Variants in EEFSEC observed in about 807,000 individuals in gnomAD.
EEFSEC encodes the protein eukaryotic elongation factor, selenocysteine-tRNA specific.
EEFSEC carries 43 observed loss-of-function variants against 42.1 expected under a neutral mutation model. The observed-to-expected ratio is 1.02, with a 90% CI of 0.80 to 1.32. EEFSEC has a LOEUF of 1.32. Among genes scored for constraint, EEFSEC ranks in the 40% most tolerant of loss-of-function variants. The probability of loss-of-function intolerance (pLI) is 0.00; values close to 1 mark genes in which losing one functional copy is unlikely to be tolerated. For missense variants in EEFSEC, 745 were observed against 803.6 expected, an observed-to-expected ratio of 0.93 and a Z score of 0.88; for synonymous variants, 354 against 339.1, an observed-to-expected ratio of 1.04 and a Z score of -0.48.
intron 4 of EEFSEC, among the ~76,000 whole-genome samples, chr3:128,304,156 G>C (rs2066801616): frequency 6.7e-6 from 1 of 149,314 alleles, no homozygotes; most frequent in African/African-American, 2.5e-5. Context: ...CTGAGTGTCT[G>C]TAGCTACTGG....
At chr3:128,377,494 A>G (rs2067723567) in intron 6 of EEFSEC, among the ~76,000 whole-genome samples, 3 of 152,254 alleles carry the variant, frequency 2.0e-5, no homozygotes, top group African/African-American at 7.2e-5. Context: ...AATGTCCAGT[A>G]AAATGTAAAA....
At chr3:128,272,233 C>T (rs2066421247) in intron 4 of EEFSEC, among the ~76,000 whole-genome samples, 1 of 152,208 alleles carries the variant, frequency 6.6e-6, no homozygotes, top group African/African-American at 2.4e-5. Context: ...TGGTTGACTC[C>T]TGAACATCAC....
At chr3:128,375,716 G>A (rs1162638942) in intron 6 of EEFSEC, among the ~76,000 whole-genome samples, 1 of 152,134 alleles carries the variant, frequency 6.6e-6, no homozygotes, top group East Asian at 1.9e-4. Flanking sequence ...TGCCACATCG[G>A]CTTCTCCACT....
intron 1 of EEFSEC, among the ~76,000 whole-genome samples, chr3:128,188,996 C>T (rs2065493133): frequency 6.6e-6 from 1 of 152,224 alleles, no homozygotes; most frequent in Non-Finnish European, 1.5e-5. Context: ...CCCCCAGGCA[C>T]TGATGGAGCC....
intron 6 of EEFSEC, among the ~76,000 whole-genome samples, chr3:128,367,477 G>A (rs2067603746): frequency 6.6e-6 from 1 of 152,202 alleles, no homozygotes; most frequent in African/African-American, 2.4e-5. Flanking sequence ...CCACAGTGGT[G>A]CTGCTCAGGC....
At chr3:128,204,723 C>G (rs888130224) in intron 1 of EEFSEC, among the ~76,000 whole-genome samples, 1 of 152,110 alleles carries the variant, frequency 6.6e-6, no homozygotes, top group African/African-American at 2.4e-5. Context: ...CCTGGGATGC[C>G]GCCTTCCCCA....
chr3:128,375,642 G>C (rs1203292251), intron 6 of EEFSEC, among the ~76,000 whole-genome samples: 4 of 152,278 alleles, frequency 2.6e-5, no homozygotes, highest in South Asian at 2.1e-4. Context: ...CTCTAGGAAG[G>C]CTCCCTGTCC....
chr3:128,363,023 G>T (rs1305196214), intron 6 of EEFSEC, among the ~76,000 whole-genome samples: 1 of 152,192 alleles, frequency 6.6e-6, no homozygotes, highest in Admixed American at 6.5e-5. Context: ...TAAGACCCCA[G>T]AAGGAGCTTC....
At chr3:128,280,427 T>G (rs1474079452) in intron 4 of EEFSEC, among the ~76,000 whole-genome samples, 3 of 152,258 alleles carry the variant, frequency 2.0e-5, no homozygotes, top group Admixed American at 6.5e-5. Flanking sequence ...ACCTCCCTTG[T>G]GCCCTCACTC....
At chr3:128,331,312 C>A (rs1385843807) in intron 4 of EEFSEC, among the ~76,000 whole-genome samples, 1 of 43,648 alleles carries the variant, frequency 2.3e-5, no homozygotes, top group Non-Finnish European at 4.9e-5. Context: ...CTTCTTCCCC[C>A]CTTCCTCAAT....
chr3:128,400,690 C>T (rs2068038712), intron 6 of EEFSEC, among the ~76,000 whole-genome samples: 1 of 152,230 alleles, frequency 6.6e-6, no homozygotes, highest in South Asian at 2.1e-4. Flanking sequence ...GCGTGGAGAC[C>T]CCTCTTCCAG....
Position 128,279,817 on chromosome 3 carries a change from A to G in EEFSEC, c.786+15036A>G, listed in dbSNP as rs191806823. Reference sequence around the variant, plus strand: ...TGGCTTCCTGGGGGGACTAATTCCTATGCCAGCCTTCTCTGCCTATTCAAC... The same window carrying G: ...TGGCTTCCTGGGGGGACTAATTCCTGTGCCAGCCTTCTCTGCCTATTCAAC... On this transcript the variant is annotated intron_variant, in intron 4 of 6. Transcript: ENST00000254730. Among the ~76,000 whole-genome samples, 127 of 152,304 alleles carry G rather than the reference A, an allele frequency of 8.3e-4. 6 individuals carry two copies. Among genetic ancestry groups the G allele is most frequent in the Admixed American group, 7.8e-3 (120 of 15,298 alleles).
Position 128,153,555 on chromosome 3 carries a change from C to A in EEFSEC, c.48C>A (p.Ile16=). Residue 16 remains isoleucine, a synonymous_variant, in exon 1 of 7, where the codon ATC becomes ATA. Coordinates refer to ENST00000254730, the MANE Select transcript of EEFSEC (RefSeq NM_021937.5). The part of the protein sequence containing the change: ...VNVNVGVLGH[I]DSGKTALARA... ...TGAACGTGGGCGTGCTGGGCCACAT[C>A]GACAGCGGCAAGACGGCGCTGGCGC... 2 of 1,531,832 alleles carry A rather than the reference C, an allele frequency of 1.3e-6. No homozygotes were observed. The highest frequency in any genetic ancestry group is 1.7e-6 in the Non-Finnish European group (2 of 1,145,704). The allele number at this position is 1,531,832 out of a possible 1,614,324, so 94.9% of individuals were successfully genotyped here.
chr3:128,296,068 A>T (rs2066702794), intron 4 of EEFSEC, among the ~76,000 whole-genome samples: 3 of 152,092 alleles, frequency 2.0e-5, no homozygotes, highest in African/African-American at 7.2e-5. Flanking sequence ...GGAAGGATAG[A>T]GAGTGAGAGA....
At chr3:128,340,002 C>A (rs2067232747) in intron 4 of EEFSEC, among the ~76,000 whole-genome samples, 1 of 152,174 alleles carries the variant, frequency 6.6e-6, no homozygotes, top group African/African-American at 2.4e-5. Flanking sequence ...GTCCCTCCCA[C>A]AACACATGGG....
chr3:128,348,188 A>C (rs2067335154), intron 5 of EEFSEC, among the ~76,000 whole-genome samples: 1 of 152,084 alleles, frequency 6.6e-6, no homozygotes, highest in African/African-American at 2.4e-5. Context: ...ATGAACCACT[A>C]AAATGAGAAA....
At chr3:128,231,788 A>G (rs1412817404) in intron 1 of EEFSEC, among the ~76,000 whole-genome samples, 2 of 152,032 alleles carry the variant, frequency 1.3e-5, no homozygotes, top group Non-Finnish European at 2.9e-5. Context: ...TTTATTCAGC[A>G]CTGCTGGGAA....
At chr3:128,209,399 T>C (rs541246925) in intron 1 of EEFSEC, among the ~76,000 whole-genome samples, 1 of 150,906 alleles carries the variant, frequency 6.6e-6, no homozygotes, top group East Asian at 1.9e-4. Flanking sequence ...AGAGGGGGAG[T>C]GTAGGAGGGG....
At chr3:128,379,774 G>A (rs147070650) in intron 6 of EEFSEC, among the ~76,000 whole-genome samples, 3 of 152,364 alleles carry the variant, frequency 2.0e-5, no homozygotes, top group Admixed American at 6.5e-5. Flanking sequence ...GAGTGTCTTC[G>A]TGGGGTCACA....
Sources: gnomAD v4.1 joint callset for allele counts (sites outside exome capture counted in the v4.1 genomes callset) on GRCh38, gnomAD v4.1.1 for gene constraint, MANE v1.5 for transcripts, NCBI Gene and HGNC (gene_info 2026-07-23, HGNC 2026-07-21) for gene names.